Variants in CEP85L observed in about 807,000 individuals in gnomAD.
CEP85L encodes the protein centrosomal protein 85L.
Under a neutral mutation model 100.3 loss-of-function variants are expected in CEP85L, and 60 were observed. That is an observed-to-expected ratio of 0.60 (90% CI 0.49 to 0.74). The LOEUF (loss-of-function observed/expected upper bound fraction) is 0.74, where lower values mean the gene tolerates loss of function less well. Among genes scored for constraint, CEP85L ranks in the 30% least tolerant of loss-of-function variants. CEP85L has a pLI of 0.00. For synonymous variants in CEP85L, 319 were observed against 322.7 expected, an observed-to-expected ratio of 0.99 and a Z score of 0.12; for missense variants, 973 against 936.2, an observed-to-expected ratio of 1.04 and a Z score of -0.51.
rs542390533 is a variant in CEP85L, at chr6:118,485,082, A to C, written c.1438-1224T>G. ...AGTAAATCCCAATTTATATAGGCTG[A>C]AAGTCAGATTTTCATGTACTTTTTA... On this transcript the variant is annotated intron_variant, in intron 6 of 12. Transcript: ENST00000368491. 7.2e-5 allele frequency among the ~76,000 whole-genome samples: 11 copies of C among 152,342 alleles called. No individual in the cohort carries two copies. In the East Asian group the frequency reaches 1.9e-3, roughly 27 times the overall value.
At chr6:118,550,442 C>G (rs1305503569) in intron 3 of CEP85L, among the ~76,000 whole-genome samples, 1 of 151,618 alleles carries the variant, frequency 6.6e-6, no homozygotes, top group Non-Finnish European at 1.5e-5. Flanking sequence ...AATATATTAC[C>G]AATCCCAGAA....
intron 1 of CEP85L, among the ~76,000 whole-genome samples, chr6:118,635,045 GTGGCCTTGC>G (rs1774407677): frequency 6.6e-6 from 1 of 152,154 alleles, no homozygotes; most frequent in South Asian, 2.1e-4. Context: ...GTATATTTTT[GTGGCCTTGC>G]AAATTGGTAC....
chr6:118,709,532 C>CGTGTGTGTGTGTGTGTGTGT (rs1209782027), intron 1 of CEP85L, among the ~76,000 whole-genome samples: 3,091 of 86,904 alleles, frequency 0.036, 80 homozygotes, highest in South Asian at 0.046. Flanking sequence ...CAACAATTGG[C>CGTGTGTGTGTGTGTGTGTGT]GTGTGTGTGT....
chr6:118,619,568 A>G (rs1773302092), intron 2 of CEP85L, among the ~76,000 whole-genome samples: 1 of 152,160 alleles, frequency 6.6e-6, no homozygotes, highest in Non-Finnish European at 1.5e-5. Flanking sequence ...AAAGTGTTAG[A>G]GGCACACCGA....
intron 2 of CEP85L, among the ~76,000 whole-genome samples, chr6:118,620,199 A>G (rs755713287): frequency 1.4e-4 from 21 of 152,338 alleles, no homozygotes; most frequent in Admixed American, 5.2e-4. Context: ...TCTAAAGGAT[A>G]AATTTATCAC....
At chr6:118,529,622 A>AAAAAAAAAAAAAAAAAAAAAAAAAC in intron 3 of CEP85L, among the ~76,000 whole-genome samples, 1 of 106,120 alleles carries the variant, frequency 9.4e-6, no homozygotes, top group African/African-American at 3.2e-5. Context: ...AAAAAAAAAA[A>AAAAAAAAAAAAAAAAAAAAAAAAAC]AAAAAAAAAA....
chr6:118,645,357 T>C (rs1775113760), intron 1 of CEP85L, among the ~76,000 whole-genome samples: 1 of 152,206 alleles, frequency 6.6e-6, no homozygotes, highest in Non-Finnish European at 1.5e-5. Context: ...ATCTGTTTAC[T>C]TACTGATCCT....
upstream of CEP85L, among the ~76,000 whole-genome samples, chr6:118,653,773 G>T (rs1370431873): frequency 2.7e-5 from 4 of 150,708 alleles, no homozygotes; most frequent in East Asian, 7.7e-4. Context: ...GTGTGTGTGT[G>T]TGTATAAGTA....
chr6:118,643,429 A>G (rs1353551199), intron 1 of CEP85L, among the ~76,000 whole-genome samples: 1 of 152,226 alleles, frequency 6.6e-6, no homozygotes, highest in Admixed American at 6.5e-5. Flanking sequence ...CTTTCATCCC[A>G]AAATCTTTCA....
At chr6:118,557,443 T>C (rs1333583813) in intron 3 of CEP85L, among the ~76,000 whole-genome samples, 1 of 152,186 alleles carries the variant, frequency 6.6e-6, no homozygotes, top group African/African-American at 2.4e-5. Flanking sequence ...CATTTCTATG[T>C]CATTTTGTTA....
chr6:118,503,007 T>A (rs1775404967), intron 5 of CEP85L: 1 of 244,946 alleles, frequency 4.1e-6, no homozygotes, highest in Non-Finnish European at 8.2e-6. Context: ...TCACAAGATA[T>A]CAAATATTTG....
intron 2 of CEP85L, among the ~76,000 whole-genome samples, chr6:118,585,543 A>T (rs933815398): frequency 2.0e-5 from 3 of 152,120 alleles, no homozygotes; most frequent in African/African-American, 7.2e-5. Context: ...GTACTCCCCC[A>T]CAGAAATAGG....
In CEP85L at chr6:118,469,106, C is replaced by T; in HGVS notation, c.2220G>A (p.Lys740=). The change falls in exon 12 of 13, where the codon AAG becomes AAA. Residue 740 remains lysine (K), a synonymous_variant. Coordinates refer to ENST00000368491, the MANE Select transcript of CEP85L (RefSeq NM_001042475.3). ...CSILNQRAQG[K]EPNLSLLLGI... ...CCAGTAATAATGAAAGATTAGGCTCCTTGCCCTGAGCACGCTGATTAAGAA... is the reference window on the plus strand; with the variant it reads ...CCAGTAATAATGAAAGATTAGGCTCTTTGCCCTGAGCACGCTGATTAAGAA... 1 of 1,613,798 alleles carries T rather than the reference C, an allele frequency of 6.2e-7. No individual in the cohort carries two copies. The highest frequency in any genetic ancestry group is 8.5e-7 in the Non-Finnish European group (1 of 1,179,734).
chr6:118,503,217 G>C (rs1477589198), intron 5 of CEP85L, among the ~76,000 whole-genome samples: 1 of 152,062 alleles, frequency 6.6e-6, no homozygotes, highest in Non-Finnish European at 1.5e-5. Flanking sequence ...AAATAAGATA[G>C]GTATAAATCT....
At chr6:118,611,722 T>C (rs909767911) in intron 2 of CEP85L, among the ~76,000 whole-genome samples, 1 of 152,070 alleles carries the variant, frequency 6.6e-6, no homozygotes, top group Non-Finnish European at 1.5e-5. Flanking sequence ...TCAGATAAAG[T>C]AAGCTTTGGA....
chr6:118,506,270 A>G (rs1210530521), intron 5 of CEP85L, among the ~76,000 whole-genome samples: 1 of 152,200 alleles, frequency 6.6e-6, no homozygotes, highest in Non-Finnish European at 1.5e-5. Context: ...GGTCACAGTG[A>G]TATTTTAAAA....
rs980671227 is a variant in CEP85L, at chr6:118,702,084, C to T, written c.-28+7952G>A. The stretch of plus-strand genomic sequence containing the variant: ...AATATTTTGCTTTATATTTACTCTC[C>T]GTAGATAGCTCCACTTTGGAATAGT... On this transcript the variant is annotated intron_variant, in intron 1 of 13. Transcript: ENST00000368488. Among the ~76,000 whole-genome samples the T allele has an allele frequency of 5.3e-5, 8 of 151,514 alleles. No homozygotes were observed. In the East Asian group the frequency reaches 1.2e-3, roughly 22 times the overall value.
chr6:118,657,998 G>A (rs796469012), intron 1 of CEP85L, among the ~76,000 whole-genome samples: 33 of 152,182 alleles, frequency 2.2e-4, no homozygotes, highest in African/African-American at 6.3e-4. Flanking sequence ...AATTTTCAGC[G>A]TATTGCTTAC....
chr6:118,607,168 A>T (rs537177124), intron 2 of CEP85L, among the ~76,000 whole-genome samples: 1 of 152,262 alleles, frequency 6.6e-6, no homozygotes, highest in South Asian at 2.1e-4. Context: ...GCAAGGCTTA[A>T]ATTTGTCCCC....
Sources: allele counts gnomAD v4.1 joint callset (sites outside exome capture counted in the v4.1 genomes callset), GRCh38; gene constraint gnomAD v4.1.1; transcripts MANE v1.5; gene names NCBI Gene and HGNC (gene_info 2026-07-23, HGNC 2026-07-21).